Variants in IPO11 observed in about 807,000 individuals in gnomAD.
IPO11 encodes the protein importin-11.
In IPO11, 66 loss-of-function variants were observed where a neutral mutation model predicts 143.2. That is an observed-to-expected ratio of 0.46 (90% CI 0.38 to 0.57). The LOEUF is 0.57. Among genes scored for constraint, IPO11 ranks in the 20% least tolerant of loss-of-function variants. IPO11 has a pLI of 0.00. For synonymous variants in IPO11, 385 were observed against 377.8 expected, an observed-to-expected ratio of 1.02 and a Z score of -0.22; for missense variants, 1,026 against 1,141.0, an observed-to-expected ratio of 0.90 and a Z score of 1.45.
chr5:62,460,735 G>A (rs146161725), intron 5 of IPO11, among the ~76,000 whole-genome samples: 6 of 152,260 alleles, frequency 3.9e-5, no homozygotes, highest in African/African-American at 1.2e-4. Flanking sequence ...GGGGTTTCAT[G>A]AACTAGTACC....
intron 27 of IPO11, among the ~76,000 whole-genome samples, chr5:62,574,010 T>C (rs1047597973): frequency 6.6e-6 from 1 of 152,230 alleles, no homozygotes; most frequent in African/African-American, 2.4e-5. Context: ...AAAAAGTCCC[T>C]GGTCCTTAAG....
At position 62,487,849 on chromosome 5, in the gene IPO11, C is replaced by G. The variant is rs1379097465; in HGVS notation, c.1297C>G (p.Gln433Glu). 6.2e-7 allele frequency: 1 copy of G among 1,607,814 alleles called. No individual in the cohort carries two copies. Among genetic ancestry groups the G allele is most frequent in the African/African-American group, 1.3e-5 (1 of 74,544 alleles). ...TACTCCTGTACTTCTAGAAATGATG[C>G]AAACACTTCAAGGTAAGGCATATTT... Reference protein sequence around the residue: ...TLTPVLLEMMQTLQGPTNVED... With the variant: ...TLTPVLLEMMETLQGPTNVED... The change falls in exon 13 of 30, where the codon CAA becomes GAA. Residue 433 changes from glutamine to glutamate, a missense_variant. Gln to Glu is a conservative substitution (Grantham distance 29, BLOSUM62 2). Around this residue, in one of 5 missense-constraint regions of IPO11, gnomAD observed 237 missense variants for 288.0 expected, o/e 0.82. Transcript: ENST00000325324.
Position 62,485,422 on chromosome 5 carries a change from T to G in IPO11, c.1178T>G (p.Val393Gly). 1.9e-6 allele frequency: 3 copies of G among 1,608,734 alleles called. No homozygotes were observed. The highest frequency in any genetic ancestry group is 2.6e-6 in the Non-Finnish European group (3 of 1,175,434). The change falls in exon 12 of 30, where the codon GTG (valine) becomes GGG (glycine). Residue 393 changes from valine to glycine, a missense_variant. By Grantham distance (109) the Val-to-Gly change is moderately radical (BLOSUM62 -3). Transcript: ENST00000325324. ...MWEEDPEGFT[V>G]EETGGDSWKY... ...TATTACATATTTTTAATTGCAGCAG[T>G]GGAAGAAACAGGAGGAGATTCTTGG...
At chr5:62,543,689 G>T (rs915554994) in intron 24 of IPO11, among the ~76,000 whole-genome samples, 5 of 152,010 alleles carry the variant, frequency 3.3e-5, no homozygotes, top group African/African-American at 1.2e-4. Flanking sequence ...ATTTCCTTCA[G>T]TTCTGCTCTG....
chr5:62,424,479 C>T (rs1381941809), intron 1 of IPO11, among the ~76,000 whole-genome samples: 1 of 149,428 alleles, frequency 6.7e-6, no homozygotes, highest in East Asian at 2.0e-4. Flanking sequence ...GTTGCCCAGG[C>T]TGGAGTGCAA....
At position 62,601,849 on chromosome 5, in the gene IPO11, G is replaced by A; in HGVS notation, c.2763+1G>A. On this transcript the variant is annotated splice_donor_variant, in intron 29 of 29. Transcript: ENST00000325324. LOFTEE classifies it high-confidence loss of function. ...AGAACAAGATAAGAGGAAAAAGATG[G>A]TAAGTTATAAAAGTAGCTTGTAAAA... is the stretch of plus-strand genomic sequence containing the variant. 6.4e-7 allele frequency: 1 copy of A among 1,566,098 alleles called. No individual in the cohort carries two copies. Among genetic ancestry groups the A allele is most frequent in the Non-Finnish European group, 8.7e-7 (1 of 1,154,768 alleles).
intron 29 of IPO11, among the ~76,000 whole-genome samples, chr5:62,624,653 A>C (rs1746495930): frequency 6.6e-6 from 1 of 152,092 alleles, no homozygotes; most frequent in Admixed American, 6.6e-5. Context: ...AATGCAGCCC[A>C]GTAGGTCTCC....
chr5:62,591,601 G>T lies in IPO11; in HGVS notation c.2607G>T (p.Gly869=), dbSNP rs1175947676. The change falls in exon 28 of 30, where the codon GGG becomes GGT. Residue 869 remains glycine (G), a synonymous_variant. Transcript: ENST00000325324. ...GTGTTATCCAAGATAAATTCTGTGG[G>T]ATTATAAACATTTCAGTAGAAGGCC... ...DNSVIQDKFC[G]IINISVEGLH... 1 of 1,603,434 alleles carries T rather than the reference G, an allele frequency of 6.2e-7. No individual in the cohort carries two copies. The highest frequency in any genetic ancestry group is 8.5e-7 in the Non-Finnish European group (1 of 1,175,634).
intron 16 of IPO11, among the ~76,000 whole-genome samples, chr5:62,494,453 C>G (rs1741057228): frequency 6.6e-6 from 1 of 152,084 alleles, no homozygotes; most frequent in Non-Finnish European, 1.5e-5. Context: ...GAAATAGCAT[C>G]ATAATTTATT....
At chr5:62,578,103 C>A (rs569478983) in intron 27 of IPO11, among the ~76,000 whole-genome samples, 1 of 152,168 alleles carries the variant, frequency 6.6e-6, no homozygotes, top group South Asian at 2.1e-4. Flanking sequence ...CTTTTACTCT[C>A]CCCAATTTTT....
chr5:62,536,681 TG>T lies in IPO11; in HGVS notation c.2090-20del, dbSNP rs1373094336. The T allele has an allele frequency of 1.7e-5, 27 of 1,573,070 alleles. No homozygotes were observed. The highest frequency in any genetic ancestry group is 2.1e-5 in the Non-Finnish European group (25 of 1,166,630). ...CAGTGAATTAATTTGGTTTTTTGTT[TG>T]ACATTTATTGTTTTGGCAGAACTAA... On this transcript the variant is annotated intron_variant, in intron 22 of 29. Transcript: ENST00000325324.
At chr5:62,579,022 T>C (rs1401965458) in intron 27 of IPO11, 6 of 242,826 alleles carry the variant, frequency 2.5e-5, no homozygotes, top group African/African-American at 1.4e-4. Context: ...AATTGTTCTG[T>C]AGTGAATTTG....
chr5:62,506,095 G>A (rs1741546189), intron 18 of IPO11, 146 bp from the exon 19 acceptor site: 1 of 509,288 alleles, frequency 2.0e-6, no homozygotes, highest in South Asian at 3.1e-5. Flanking sequence ...ACGATTTCAG[G>A]TTGTTTAGGT....
intron 6 of IPO11, 37 bp from the exon 7 acceptor site, chr5:62,470,213 A>G: frequency 4.4e-6 from 7 of 1,587,908 alleles, no homozygotes; most frequent in Non-Finnish European, 6.1e-6. Flanking sequence ...TAGTAGGATA[A>G]AATAAGATTC....
At chr5:62,571,676 G>A (rs1300137008) in intron 27 of IPO11, among the ~76,000 whole-genome samples, 1 of 151,796 alleles carries the variant, frequency 6.6e-6, no homozygotes, top group Non-Finnish European at 1.5e-5. Flanking sequence ...TATGGGGATG[G>A]ACATTATTAA....
intron 26 of IPO11, among the ~76,000 whole-genome samples, chr5:62,553,341 TG>T (rs1356584039): frequency 3.3e-5 from 4 of 119,636 alleles, no homozygotes; most frequent in South Asian, 3.3e-4. Flanking sequence ...TGTGTGTGTG[TG>T]TGTGTGTGTG....
intron 27 of IPO11, among the ~76,000 whole-genome samples, chr5:62,584,802 A>G (rs1483673250): frequency 1.3e-5 from 2 of 149,548 alleles, no homozygotes; most frequent in Admixed American, 1.3e-4. Context: ...GCTGAAGCTG[A>G]TAAGCTTGTG....
At chr5:62,456,708 T>C (rs952448520) in intron 5 of IPO11, among the ~76,000 whole-genome samples, 9 of 152,224 alleles carry the variant, frequency 5.9e-5, no homozygotes, top group Non-Finnish European at 1.3e-4. Flanking sequence ...ACAAGAGATA[T>C]GTACAATATT....
intron 1 of IPO11, among the ~76,000 whole-genome samples, chr5:62,414,396 C>A (rs1021084696): frequency 6.6e-6 from 1 of 151,916 alleles, no homozygotes; most frequent in African/African-American, 2.4e-5. Context: ...TATATTTGTA[C>A]CTGTGTGTGT....
Sources: allele counts gnomAD v4.1 joint callset (sites outside exome capture counted in the v4.1 genomes callset), GRCh38; gene constraint gnomAD v4.1.1; regional missense constraint gnomAD v4.1.1; transcripts MANE v1.5; gene names NCBI Gene and HGNC (gene_info 2026-07-23, HGNC 2026-07-21).